The following GLYATL2 variants were observed in gnomAD, a reference collection of about 807,000 sequenced individuals.
GLYATL2 encodes the protein glycine N-acyltransferase-like protein 2.
In GLYATL2, 25 loss-of-function variants were observed where a neutral mutation model predicts 21.4. The ratio of observed to expected loss-of-function variants is 1.17; its 90% CI spans 0.85 to 1.63. GLYATL2 has a LOEUF of 1.63. Among genes scored for constraint, GLYATL2 ranks in the 40% most tolerant of loss-of-function variants. The probability of loss-of-function intolerance (pLI) is 0.00; values close to 1 mark genes in which losing one functional copy is unlikely to be tolerated. For synonymous variants in GLYATL2, 114 were observed against 118.2 expected, an observed-to-expected ratio of 0.96 and a Z score of 0.23; for missense variants, 361 against 343.3, an observed-to-expected ratio of 1.05 and a Z score of -0.41.
upstream of GLYATL2, among the ~76,000 whole-genome samples, chr11:58,905,185 G>A (rs1854833221): frequency 6.6e-6 from 1 of 152,232 alleles, no homozygotes; most frequent in South Asian, 2.1e-4. Context: ...ACAGGCCTAA[G>A]CAGTGCTGGC....
At chr11:58,860,914 G>A (rs764457075) in intron 1 of GLYATL2, among the ~76,000 whole-genome samples, 18 of 151,962 alleles carry the variant, frequency 1.2e-4, no homozygotes, top group Admixed American at 2.6e-4. Context: ...AGAACTGTAC[G>A]TTGAACTATC....
the GLYATL2 span, among the ~76,000 whole-genome samples, chr11:58,909,818 T>C: frequency 6.6e-6 from 1 of 152,188 alleles, no homozygotes; most frequent in Non-Finnish European, 1.5e-5. Flanking sequence ...AACAATAAAA[T>C]GGATTCATTT....
Position 58,834,498 on chromosome 11 carries a change from G to T in GLYATL2, c.816C>A (p.Asn272Lys), listed in dbSNP as rs575648910. The T allele has an allele frequency of 3.1e-6, 5 of 1,613,300 alleles. No homozygotes were observed. Among genetic ancestry groups the T allele is most frequent in the Non-Finnish European group, 4.2e-6 (5 of 1,179,662 alleles). Residue 272 changes from asparagine (N) to lysine (K), a missense_variant, in exon 6 of 6, where the codon AAC becomes AAA. Physicochemically the swap from Asn to Lys is moderately conservative, Grantham distance 94. Transcript: ENST00000287275. ...DNNEKSLQAL[N>K]NLGFKICPCG... is the part of the protein sequence containing the mutation. The stretch of plus-strand genomic sequence containing the variant: ...AAGGACAAATCTTAAACCCCAAATT[G>T]TTCAGTGCCTGTAGGCTTTTCTCAT...
intron 1 of GLYATL2, among the ~76,000 whole-genome samples, chr11:58,852,455 A>G (rs922273159): frequency 6.6e-6 from 1 of 152,252 alleles, no homozygotes; most frequent in African/African-American, 2.4e-5. Context: ...TTGAGAAATT[A>G]ACAATATGCC....
chr11:58,898,794 C>T (rs1009143662), intron 1 of GLYATL2, among the ~76,000 whole-genome samples: 2 of 152,076 alleles, frequency 1.3e-5, no homozygotes, highest in African/African-American at 4.8e-5. Context: ...GATCGCGCCA[C>T]TGCACTTCAA....
chr11:58,875,909 C>T (rs920269849), intron 1 of GLYATL2, among the ~76,000 whole-genome samples: 23 of 152,176 alleles, frequency 1.5e-4, no homozygotes, highest in African/African-American at 4.6e-4. Context: ...CCATTCTCCC[C>T]GTCACTTTCA....
intron 1 of GLYATL2, among the ~76,000 whole-genome samples, chr11:58,899,487 C>T (rs1416571332): frequency 1.3e-5 from 2 of 151,990 alleles, no homozygotes; most frequent in Non-Finnish European, 2.9e-5. Flanking sequence ...GATTTGACGA[C>T]AGAAGATGAT....
At chr11:58,907,469 G>A (rs538183330), upstream of GLYATL2, 7 of 299,652 alleles carry the variant, frequency 2.3e-5, no homozygotes, top group East Asian at 2.2e-4. Flanking sequence ...CATGTATTTC[G>A]CTCTTTTTTG....
chr11:58,880,638 G>GA (rs921487435), intron 1 of GLYATL2, among the ~76,000 whole-genome samples: 16 of 150,446 alleles, frequency 1.1e-4, no homozygotes, highest in African/African-American at 2.7e-4. Context: ...TTGGAGGTGG[G>GA]AAAAAAAAAG....
At chr11:58,896,293 A>G (rs1204192685) in intron 1 of GLYATL2, among the ~76,000 whole-genome samples, 1 of 152,060 alleles carries the variant, frequency 6.6e-6, no homozygotes. Context: ...GGCACAACCA[A>G]TCCTCTGAGC....
upstream of GLYATL2, among the ~76,000 whole-genome samples, chr11:58,848,345 A>G (rs1020828078): frequency 2.7e-4 from 41 of 152,262 alleles, no homozygotes; most frequent in African/African-American, 9.4e-4. Flanking sequence ...ACCTCACCAA[A>G]TCAACTTAAT....
At chr11:58,877,299 A>C (rs1854253827) in intron 1 of GLYATL2, among the ~76,000 whole-genome samples, 1 of 152,084 alleles carries the variant, frequency 6.6e-6, no homozygotes, top group Admixed American at 6.5e-5. Context: ...GCTATACAGC[A>C]CTCCCCAGTG....
chr11:58,907,425 T>C, upstream of GLYATL2: 1 of 456,014 alleles, frequency 2.2e-6, no homozygotes, highest in Non-Finnish European at 4.4e-6. Flanking sequence ...CATCTTTAAT[T>C]GCATGATGTC....
At chr11:58,835,959 A>T (rs946227635) in intron 5 of GLYATL2, among the ~76,000 whole-genome samples, 18 of 152,156 alleles carry the variant, frequency 1.2e-4, no homozygotes, top group African/African-American at 4.3e-4. Context: ...TTTCTGGCTA[A>T]ATCAAATGTA....
At chr11:58,866,172 C>T (rs1191858122) in intron 1 of GLYATL2, among the ~76,000 whole-genome samples, 3 of 149,040 alleles carry the variant, frequency 2.0e-5, no homozygotes, top group Non-Finnish European at 4.5e-5. Context: ...CCCCTTTCTT[C>T]CTCTGTAAAA....
chr11:58,884,217 C>G (rs1183542640), intron 1 of GLYATL2, among the ~76,000 whole-genome samples: 1 of 152,148 alleles, frequency 6.6e-6, no homozygotes, highest in East Asian at 1.9e-4. Flanking sequence ...CTGACCAGGA[C>G]AGTCAGGCAG....
At chr11:58,861,985 G>A (rs1853939623) in intron 1 of GLYATL2, among the ~76,000 whole-genome samples, 1 of 152,014 alleles carries the variant, frequency 6.6e-6, no homozygotes, top group Non-Finnish European at 1.5e-5. Context: ...CTCTGATGGT[G>A]ATAAACTCCC....
At chr11:58,879,112 TAA>T (rs1490755271) in intron 1 of GLYATL2, among the ~76,000 whole-genome samples, 2 of 151,944 alleles carry the variant, frequency 1.3e-5, no homozygotes. Context: ...GGAAAAAAAA[TAA>T]AGAAAAATAG....
chr11:58,881,651 ATATGTAT>A (rs1303196518), intron 1 of GLYATL2, among the ~76,000 whole-genome samples: 31 of 152,240 alleles, frequency 2.0e-4, no homozygotes, highest in African/African-American at 7.2e-4. Context: ...GGTTTGTTAC[ATATGTAT>A]ACATGTGCCA....
Sources: allele counts gnomAD v4.1 joint callset (sites outside exome capture counted in the v4.1 genomes callset), GRCh38; gene constraint gnomAD v4.1.1; transcripts MANE v1.5; gene names NCBI Gene and HGNC (gene_info 2026-07-23, HGNC 2026-07-21).